The following GPHN variants were observed in gnomAD, a reference collection of about 807,000 sequenced individuals.
GPHN encodes gephyrin.
A neutral mutation model predicts 95.5 loss-of-function variants in GPHN; 17 were observed. The ratio of observed to expected loss-of-function variants is 0.18; its 90% CI spans 0.12 to 0.27. GPHN has a LOEUF of 0.27. Ranked by LOEUF, GPHN falls within the 10% of genes least tolerant of loss-of-function variation. GPHN has a pLI of 1.00. For synonymous variants in GPHN, 320 were observed against 322.5 expected, an observed-to-expected ratio of 0.99 and a Z score of 0.08; for missense variants, 660 against 978.1, an observed-to-expected ratio of 0.67 and a Z score of 4.34.
the GPHN span, among the ~76,000 whole-genome samples, chr14:67,726,593 T>C: frequency 6.6e-6 from 1 of 152,068 alleles, no homozygotes; most frequent in African/African-American, 2.4e-5. Flanking sequence ...GCAAAGACTT[T>C]AGGGAGGAGA....
At chr14:67,599,928 G>T in the GPHN span, 1 of 1,038,070 alleles carries the variant, frequency 9.6e-7, no homozygotes, top group Non-Finnish European at 1.4e-6. Context: ...TGTAGGAGGG[G>T]CCGACCAGAG....
chr14:67,250,143 C>G, the GPHN span, among the ~76,000 whole-genome samples: 1 of 152,120 alleles, frequency 6.6e-6, no homozygotes, highest in Non-Finnish European at 1.5e-5. Flanking sequence ...CGAAAGTAAC[C>G]CTTCTCCAAG....
chr14:67,199,334 C>T, the GPHN span: 1 of 1,613,870 alleles, frequency 6.2e-7, no homozygotes, highest in Non-Finnish European at 8.5e-7. Context: ...GGCATCAGCT[C>T]ACAACAAAAA....
chr14:67,280,853 T>TTCCCTCCCTCCCTCCCTCCC, the GPHN span, among the ~76,000 whole-genome samples: 2 of 77,608 alleles, frequency 2.6e-5, no homozygotes, highest in African/African-American at 2.0e-4. Flanking sequence ...CCTTCCTTCC[T>TTCCCTCCCTCCCTCCCTCCC]TCCCTCCCTC....
chr14:67,405,211 C>G, the GPHN span, among the ~76,000 whole-genome samples: 1 of 102,166 alleles, frequency 9.8e-6, no homozygotes, highest in African/African-American at 4.1e-5. Flanking sequence ...GGCGACAGAG[C>G]AAGAGTCCAT....
chr14:67,303,427 C>G, the GPHN span: 1 of 953,066 alleles, frequency 1.0e-6, no homozygotes, highest in Non-Finnish European at 1.7e-6. Flanking sequence ...TGGAGGGGTT[C>G]TGAAATAGTC....
intron 2 of GPHN, among the ~76,000 whole-genome samples, chr14:66,767,813 A>G (rs186054093): frequency 6.5e-4 from 99 of 152,054 alleles, no homozygotes; most frequent in Admixed American, 6.4e-3. Context: ...ACATACAACA[A>G]TGTTTGTATG....
chr14:67,170,169 C>T (rs1474480968), intron 21 of GPHN, among the ~76,000 whole-genome samples: 1 of 152,084 alleles, frequency 6.6e-6, no homozygotes, highest in African/African-American at 2.4e-5. Context: ...TTTCAATAGT[C>T]TTAACATTGA....
the GPHN span, among the ~76,000 whole-genome samples, chr14:67,512,189 C>T: frequency 2.0e-5 from 3 of 152,302 alleles, no homozygotes; most frequent in African/African-American, 7.2e-5. Flanking sequence ...CACACCACAG[C>T]CAGTGTGACA....
At chr14:67,620,971 G>C in the GPHN span, 23 of 1,614,026 alleles carry the variant, frequency 1.4e-5, no homozygotes, top group Admixed American at 2.5e-4. Context: ...GTTTGGGTAA[G>C]TGGTTAGATT....
At chr14:66,928,904 G>C (rs2066628375) in intron 8 of GPHN, among the ~76,000 whole-genome samples, 1 of 152,028 alleles carries the variant, frequency 6.6e-6, no homozygotes, top group African/African-American at 2.4e-5. Flanking sequence ...TTTTTTTAAA[G>C]ACTTGTTTTG....
intron 9 of GPHN, among the ~76,000 whole-genome samples, chr14:67,008,137 A>T (rs974833141): frequency 1.6e-4 from 25 of 152,120 alleles, no homozygotes; most frequent in Admixed American, 1.3e-3. Context: ...CCCACCTGCA[A>T]GGAGGAAATA....
intron 17 of GPHN, among the ~76,000 whole-genome samples, chr14:67,124,403 G>T (rs2079181887): frequency 1.3e-5 from 2 of 152,054 alleles, no homozygotes; most frequent in Non-Finnish European, 2.9e-5. Flanking sequence ...GAGACTCCAG[G>T]GCCCCTCGTC....
chr14:66,644,073 T>A (rs1487775670), intron 1 of GPHN, among the ~76,000 whole-genome samples: 1 of 151,972 alleles, frequency 6.6e-6, no homozygotes, highest in Non-Finnish European at 1.5e-5. Flanking sequence ...GTTTTTTGCT[T>A]TCTTGTCTAT....
chr14:67,627,810 A>G, the GPHN span, among the ~76,000 whole-genome samples: 1 of 152,222 alleles, frequency 6.6e-6, no homozygotes, highest in Non-Finnish European at 1.5e-5. Flanking sequence ...GGAAGAAATG[A>G]AAGTACAGCA....
chr14:67,131,603 G>GTAAAA (rs1655851459), intron 17 of GPHN, among the ~76,000 whole-genome samples: 2 of 152,110 alleles, frequency 1.3e-5, no homozygotes, highest in African/African-American at 2.4e-5. Context: ...AATGTACAGT[G>GTAAAA]TAAAGCTTTG....
intron 3 of GPHN, among the ~76,000 whole-genome samples, chr14:66,816,046 GT>G (rs1046814532): frequency 6.6e-6 from 1 of 151,934 alleles, no homozygotes; most frequent in African/African-American, 2.4e-5. Flanking sequence ...ACCAACAAAG[GT>G]TAAAAAAGAA....
chr14:67,559,565 T>C, the GPHN span: 1 of 1,375,480 alleles, frequency 7.3e-7, no homozygotes, highest in East Asian at 2.5e-5. Context: ...GTCACTCTCC[T>C]GGTGATTGTT....
chr14:66,650,576 G>A (rs563537217), intron 1 of GPHN, among the ~76,000 whole-genome samples: 40 of 152,284 alleles, frequency 2.6e-4, no homozygotes, highest in African/African-American at 9.6e-4. Flanking sequence ...AGGCACAACT[G>A]TTAGAGAGGA....
Sources: allele counts gnomAD v4.1 joint callset (sites outside exome capture counted in the v4.1 genomes callset), GRCh38; gene constraint gnomAD v4.1.1; transcripts MANE v1.5; gene names NCBI Gene and HGNC (gene_info 2026-07-23, HGNC 2026-07-21).